Variants in LDLRAD3 observed in about 807,000 individuals in gnomAD.
LDLRAD3 encodes the protein low-density lipoprotein receptor class A domain-containing protein 3.
Under a neutral mutation model 29.4 loss-of-function variants are expected in LDLRAD3, and 20 were observed. The ratio of observed to expected loss-of-function variants is 0.68; its 90% CI spans 0.48 to 0.99. The LOEUF (loss-of-function observed/expected upper bound fraction) is 0.99. Among genes scored for constraint, LDLRAD3 ranks in the 50% least tolerant of loss-of-function variants. LDLRAD3 has a pLI of 0.00. For synonymous variants in LDLRAD3, 157 were observed against 192.7 expected, an observed-to-expected ratio of 0.81 and a Z score of 1.53; for missense variants, 420 against 454.3, an observed-to-expected ratio of 0.92 and a Z score of 0.69.
At chr11:36,123,988 A>G (rs1853799059) in intron 4 of LDLRAD3, among the ~76,000 whole-genome samples, 1 of 152,272 alleles carries the variant, frequency 6.6e-6, no homozygotes, top group Admixed American at 6.5e-5. Context: ...AACTGAAAGC[A>G]GACTAAATAA....
intron 3 of LDLRAD3, among the ~76,000 whole-genome samples, chr11:36,096,928 T>C (rs1440358259): frequency 6.6e-6 from 1 of 152,240 alleles, no homozygotes; most frequent in Non-Finnish European, 1.5e-5. Flanking sequence ...ATTGGAGTAA[T>C]TTCTACTTGG....
At chr11:35,967,690 C>T (rs1035356761) in intron 1 of LDLRAD3, 10 of 471,394 alleles carry the variant, frequency 2.1e-5, no homozygotes, top group Non-Finnish European at 3.8e-5. Flanking sequence ...GTTTCATGTC[C>T]GGGTGCACCA....
At chr11:36,092,769 G>A (rs1404644695) in intron 3 of LDLRAD3, among the ~76,000 whole-genome samples, 1 of 152,218 alleles carries the variant, frequency 6.6e-6, no homozygotes, top group Non-Finnish European at 1.5e-5. Context: ...TACGTAAATG[G>A]AGAAGCCATA....
At chr11:36,055,944 C>CT (rs1852612461) in intron 2 of LDLRAD3, among the ~76,000 whole-genome samples, 2 of 142,308 alleles carry the variant, frequency 1.4e-5, no homozygotes, top group South Asian at 2.5e-4. Flanking sequence ...GGTAGAGACT[C>CT]TAAGTGAGCA....
At chr11:35,956,701 A>G (rs972669239) in intron 1 of LDLRAD3, among the ~76,000 whole-genome samples, 1 of 152,202 alleles carries the variant, frequency 6.6e-6, no homozygotes, top group African/African-American at 2.4e-5. Context: ...TTTAAATAAG[A>G]TAATGCATGC....
chr11:36,205,000 C>T (rs1461448720), intron 4 of LDLRAD3, among the ~76,000 whole-genome samples: 3 of 152,152 alleles, frequency 2.0e-5, no homozygotes, highest in Non-Finnish European at 4.4e-5. Context: ...GCACAGCCCC[C>T]ATCTTCCCCT....
intron 1 of LDLRAD3, among the ~76,000 whole-genome samples, chr11:36,025,565 T>C (rs1852154113): frequency 6.6e-6 from 1 of 151,714 alleles, no homozygotes; most frequent in Non-Finnish European, 1.5e-5. Context: ...ATTTTTTGTA[T>C]TTTTTAGTAG....
intron 2 of LDLRAD3, among the ~76,000 whole-genome samples, chr11:36,076,482 G>A (rs1422891778): frequency 6.6e-6 from 1 of 152,004 alleles, no homozygotes; most frequent in East Asian, 1.9e-4. Context: ...CACCTCCCGG[G>A]TTCAAGCAGT....
intron 1 of LDLRAD3, among the ~76,000 whole-genome samples, chr11:35,975,409 C>A (rs1013303205): frequency 1.3e-5 from 2 of 152,154 alleles, no homozygotes; most frequent in Non-Finnish European, 2.9e-5. Flanking sequence ...GCCAATCTCT[C>A]TCCCTGAAGA....
chr11:36,032,414 C>A (rs1852246925), intron 1 of LDLRAD3, among the ~76,000 whole-genome samples: 1 of 152,140 alleles, frequency 6.6e-6, no homozygotes, highest in South Asian at 2.1e-4. Context: ...TAGATTTATT[C>A]TGAGGACACG....
chr11:36,137,301 G>C (rs1565249896), intron 4 of LDLRAD3, among the ~76,000 whole-genome samples: 3 of 152,158 alleles, frequency 2.0e-5, no homozygotes. Flanking sequence ...AATATCCTTT[G>C]CCTGCCTGAA....
At chr11:36,007,139 A>G (rs1414042954) in intron 1 of LDLRAD3, among the ~76,000 whole-genome samples, 8 of 152,152 alleles carry the variant, frequency 5.3e-5, no homozygotes, top group Non-Finnish European at 1.5e-5. Context: ...TTTAATCTTC[A>G]TGGATTACTC....
intron 4 of LDLRAD3, among the ~76,000 whole-genome samples, chr11:36,187,919 G>A (rs570161687): frequency 6.6e-6 from 1 of 152,286 alleles, no homozygotes; most frequent in East Asian, 1.9e-4. Flanking sequence ...AAAGCCTTGT[G>A]TTTCTGTAGT....
intron 1 of LDLRAD3, among the ~76,000 whole-genome samples, chr11:36,000,288 C>T (rs61879133): frequency 0.04 from 5,940 of 148,764 alleles, 135 homozygotes; most frequent in Middle Eastern, 0.089. Flanking sequence ...TAATATATAA[C>T]ATATATAATA....
At chr11:36,114,519 T>C (rs4756282) in intron 4 of LDLRAD3, among the ~76,000 whole-genome samples, 142,620 of 152,250 alleles carry the variant, frequency 0.94, 67,340 homozygotes, top group East Asian at 1. Context: ...AGTTGTTCTC[T>C]GGATGACAGG....
At chr11:36,027,613 C>T (rs796638087) in intron 1 of LDLRAD3, among the ~76,000 whole-genome samples, 39 of 152,276 alleles carry the variant, frequency 2.6e-4, no homozygotes, top group African/African-American at 9.4e-4. Flanking sequence ...CTTTTCTGGC[C>T]TTATTGCTTA....
intron 2 of LDLRAD3, among the ~76,000 whole-genome samples, chr11:36,071,239 G>C (rs923889465): frequency 1.3e-5 from 2 of 152,204 alleles, no homozygotes; most frequent in Admixed American, 6.5e-5. Flanking sequence ...GAGCGTCATT[G>C]CCAACTTGAG....
intron 4 of LDLRAD3, among the ~76,000 whole-genome samples, chr11:36,148,184 G>A (rs2133324641): frequency 6.6e-6 from 1 of 152,170 alleles, no homozygotes; most frequent in East Asian, 1.9e-4. Flanking sequence ...TGTTTTCATT[G>A]TTTCTGTTTT....
At chr11:36,144,393 A>C (rs10836508) in intron 4 of LDLRAD3, among the ~76,000 whole-genome samples, 2 of 134,526 alleles carry the variant, frequency 1.5e-5, no homozygotes, top group African/African-American at 2.6e-5. Context: ...GCCGCCCATC[A>C]TCTGGGATGT....
Sources: allele counts gnomAD v4.1 joint callset (sites outside exome capture counted in the v4.1 genomes callset), GRCh38; gene constraint gnomAD v4.1.1; transcripts MANE v1.5; gene names NCBI Gene and HGNC (gene_info 2026-07-23, HGNC 2026-07-21).